SH3RF2: variants seen among roughly 807,000 people sequenced by gnomAD.
SH3RF2 encodes E3 ubiquitin-protein ligase SH3RF2.
A neutral mutation model predicts 59.0 loss-of-function variants in SH3RF2; 43 were observed. The observed-to-expected ratio is 0.73, with a 90% CI of 0.57 to 0.94. The LOEUF is 0.94. SH3RF2 is among the 40% of genes least tolerant of loss of function. SH3RF2 has a pLI of 0.00. For missense variants in SH3RF2, 930 were observed against 940.1 expected (o/e 0.99, Z 0.14); for synonymous variants, 391 against 391.5 (o/e 1.00, Z 0.01).
At chr5:145,951,914 A>C (rs1295485018) in intron 2 of SH3RF2, among the ~76,000 whole-genome samples, 1 of 152,202 alleles carries the variant, frequency 6.6e-6, no homozygotes, top group African/African-American at 2.4e-5. Flanking sequence ...AAGTTATAAT[A>C]GCTAGTTTCA....
In SH3RF2 at chr5:145,938,250, C is replaced by T. The variant is rs1757679572; in HGVS notation, c.322C>T (p.Arg108Cys). 2.5e-6 allele frequency: 4 copies of T among 1,605,918 alleles called. No homozygotes were observed. Among genetic ancestry groups the T allele is most frequent in the Non-Finnish European group, 3.4e-6 (4 of 1,178,384 alleles). The part of the protein sequence containing the change: ...DGRKSRTNPR[R>C]LQASPFRLVP... Reference sequence around the variant, plus strand: ...CAGGAAAAGCAGGACCAACCCCAGACGTCTGCAGGCCAGTCCTTTCCGGCT... The same window carrying T: ...CAGGAAAAGCAGGACCAACCCCAGATGTCTGCAGGCCAGTCCTTTCCGGCT... Residue 108 changes from arginine (R) to cysteine (C), a missense_variant, in exon 2 of 10, where the codon CGT becomes TGT. Transcript: ENST00000359120.
At position 145,936,596 on chromosome 5, in the gene SH3RF2, C is replaced by CG. The variant is rs1757592658; in HGVS notation, c.-203dup. 1 of 152,442 alleles carries CG rather than the reference C, an allele frequency of 6.6e-6. No individual in the cohort carries two copies. Among genetic ancestry groups the CG allele is most frequent in the African/African-American group, 2.4e-5 (1 of 41,470 alleles). 9.4% of individuals were successfully genotyped at this position (152,442 alleles called of 1,614,324 possible). A position where few individuals can be genotyped will look rare whatever the true frequency, so the allele number is the denominator to read the frequency against. On this transcript the variant is annotated 5_prime_UTR_variant, in exon 1 of 10. Transcript: ENST00000359120. The stretch of plus-strand genomic sequence containing the variant: ...AAGTTTTCAAAGCGGTTGGCAGCAG[C>CG]GGCGCTTGGAGGAAAGGAAGCCGGT...
At position 146,049,198 on chromosome 5, in the gene SH3RF2, C is replaced by T. The variant is rs765331245; in HGVS notation, c.1275C>T (p.Thr425=). ...DGWLRGVSLV[T]GRVGIFPNNY... is the part of the protein sequence containing the mutation. Reference sequence around the variant, plus strand: ...GGCTCAGGGGCGTCTCCTTGGTCACCGGGCGAGTCGGCATCTTCCCAAACA... The same window carrying T: ...GGCTCAGGGGCGTCTCCTTGGTCACTGGGCGAGTCGGCATCTTCCCAAACA... The change falls in exon 7 of 10, where the codon ACC becomes ACT. Residue 425 remains threonine (T), a synonymous_variant. Coordinates refer to ENST00000359120, the MANE Select transcript of SH3RF2 (RefSeq NM_152550.4). The T allele has an allele frequency of 1.7e-5, 28 of 1,613,678 alleles. No homozygotes were observed. Among genetic ancestry groups the T allele is most frequent in the East Asian group, 4.5e-5 (2 of 44,868 alleles).
At chr5:146,032,620 C>T (rs1472086392) in intron 5 of SH3RF2, among the ~76,000 whole-genome samples, 1 of 152,174 alleles carries the variant, frequency 6.6e-6, no homozygotes, top group Non-Finnish European at 1.5e-5. Flanking sequence ...AGAGACAATC[C>T]AGATGCTATC....
intron 5 of SH3RF2, among the ~76,000 whole-genome samples, chr5:146,035,194 T>C (rs967196259): frequency 3.3e-5 from 5 of 152,106 alleles, no homozygotes; most frequent in Admixed American, 2.6e-4. Flanking sequence ...ATAAAAATGT[T>C]CGTTGTTGTC....
chr5:146,049,024 C>A (rs777642409), intron 6 of SH3RF2, 51 bp from the exon 7 acceptor site: 1 of 1,604,810 alleles, frequency 6.2e-7, no homozygotes, highest in African/African-American at 1.3e-5. Flanking sequence ...TCCATGCCCC[C>A]CATCAGGCAC....
rs990426157 is a variant in SH3RF2 at position 145,968,994 on chromosome 5, AT to A, written c.378+30696del. Among the ~76,000 whole-genome samples the A allele has an allele frequency of 1.6e-4, 24 of 152,142 alleles. No individual in the cohort carries two copies. The South Asian group carries it at 2.1e-3, about 13-fold the overall frequency. On this transcript the variant is annotated intron_variant, in intron 2 of 9. Transcript: ENST00000359120. ...TCTTTTTTACTTTTTAATTATATACATTTTTTTTAAAGAACTCTTAGGAACA... is the reference window on the plus strand; with the variant it reads ...TCTTTTTTACTTTTTAATTATATACATTTTTTTAAAGAACTCTTAGGAACA...
intron 2 of SH3RF2, among the ~76,000 whole-genome samples, chr5:145,970,321 G>T: frequency 6.6e-6 from 1 of 151,648 alleles, no homozygotes; most frequent in Non-Finnish European, 1.5e-5. Flanking sequence ...TCATTCTTAT[G>T]TCTTTGCATC....
chr5:146,007,531 G>A (rs1408692838), intron 4 of SH3RF2, among the ~76,000 whole-genome samples: 4 of 152,160 alleles, frequency 2.6e-5, no homozygotes, highest in Non-Finnish European at 4.4e-5. Context: ...CATATGAGGT[G>A]CTTAAGTATT....
At chr5:145,981,982 T>C (rs1442742076) in intron 2 of SH3RF2, among the ~76,000 whole-genome samples, 1 of 152,222 alleles carries the variant, frequency 6.6e-6, no homozygotes, top group East Asian at 1.9e-4. Flanking sequence ...TACTAGTCTA[T>C]ATTGCAGGCT....
chr5:146,049,448 A>G (rs746381535), intron 7 of SH3RF2, among the ~76,000 whole-genome samples: 15 of 152,238 alleles, frequency 9.9e-5, no homozygotes, highest in Non-Finnish European at 1.9e-4. Context: ...GCTTACAAGC[A>G]CTTTTGTATC....
intron 5 of SH3RF2, among the ~76,000 whole-genome samples, chr5:146,035,140 T>C (rs1048828121): frequency 5.3e-5 from 8 of 151,636 alleles, no homozygotes; most frequent in Non-Finnish European, 1.0e-4. Flanking sequence ...ACTGCTTTGA[T>C]AATGGGTGGT....
chr5:145,997,546 T>C (rs1760217626), intron 2 of SH3RF2: 1 of 1,607,808 alleles, frequency 6.2e-7, no homozygotes, highest in Non-Finnish European at 8.5e-7. Flanking sequence ...CTTCCGAAAA[T>C]GGGAGTTATT....
At chr5:145,971,997 G>A (rs1759102842) in intron 2 of SH3RF2, among the ~76,000 whole-genome samples, 1 of 152,124 alleles carries the variant, frequency 6.6e-6, no homozygotes, top group Non-Finnish European at 1.5e-5. Context: ...TGAGATTGAT[G>A]TTATTATCAT....
intron 5 of SH3RF2, among the ~76,000 whole-genome samples, chr5:146,036,699 A>T (rs1381697214): frequency 2.6e-5 from 4 of 152,202 alleles, no homozygotes; most frequent in Admixed American, 6.5e-5. Flanking sequence ...TATCTAAAAA[A>T]AAGAGAAAAC....
chr5:146,060,721 A>G (rs2150022808), intron 9 of SH3RF2, among the ~76,000 whole-genome samples: 1 of 152,344 alleles, frequency 6.6e-6, no homozygotes, highest in Non-Finnish European at 1.5e-5. Context: ...GCATTGTATA[A>G]AAGGGGCAAC....
chr5:146,032,380 A>C (rs1761773056), intron 5 of SH3RF2, among the ~76,000 whole-genome samples: 1 of 151,990 alleles, frequency 6.6e-6, no homozygotes, highest in African/African-American at 2.4e-5. Context: ...CCCTCAGAGG[A>C]TTAAATTGGG....
chr5:145,995,003 A>G (rs1411306644), intron 2 of SH3RF2, among the ~76,000 whole-genome samples: 1 of 100,072 alleles, frequency 1.0e-5, no homozygotes, highest in Non-Finnish European at 2.3e-5. Flanking sequence ...TTTTTCATAA[A>G]TAATAAAAAA....
At chr5:146,046,808 G>A (rs1762320524) in intron 5 of SH3RF2, among the ~76,000 whole-genome samples, 1 of 151,732 alleles carries the variant, frequency 6.6e-6, no homozygotes, top group Non-Finnish European at 1.5e-5. Flanking sequence ...CTTTCACCCA[G>A]GTTGGAGTGC....
Sources: gnomAD v4.1 joint callset for allele counts (sites outside exome capture counted in the v4.1 genomes callset) on GRCh38, gnomAD v4.1.1 for gene constraint, MANE v1.5 for transcripts, NCBI Gene and HGNC (gene_info 2026-07-23, HGNC 2026-07-21) for gene names.